AMZ1: variants seen among roughly 807,000 people sequenced by gnomAD.
AMZ1 encodes the protein archaemetzincin-1.
AMZ1 carries 39 observed loss-of-function variants against 29.9 expected under a neutral mutation model. That is an observed-to-expected ratio of 1.30 (90% CI 1.01 to 1.70). The LOEUF is 1.70. Ranked by LOEUF, AMZ1 falls within the 40% of genes most tolerant of loss-of-function variation. The pLI, the probability that AMZ1 is intolerant of heterozygous loss-of-function variation, is 0.00. For synonymous variants in AMZ1, 458 were observed against 304.0 expected (o/e 1.51, Z -5.27); for missense variants, 1,041 against 680.6 (o/e 1.53, Z -5.89).
At position 2,694,924 on chromosome 7, in the gene AMZ1, C is replaced by T. The variant is rs539527839; in HGVS notation, c.-218-5310C>T. On this transcript the variant is annotated intron_variant, in intron 1 of 6. Transcript: ENST00000683327. ...CTGACCTCGAGTGATCCGCCTGCCTCGACCTCCCAAGGTGCTGGGATTCCA... is the reference window on the plus strand; with the variant it reads ...CTGACCTCGAGTGATCCGCCTGCCTTGACCTCCCAAGGTGCTGGGATTCCA... 3.5e-4 allele frequency among the ~76,000 whole-genome samples: 53 copies of T among 152,284 alleles called. 1 individual carries two copies. Among genetic ancestry groups the T allele is most frequent in the South Asian group, 3.1e-3 (15 of 4,828 alleles).
Position 2,731,038 on chromosome 7 carries a change from G to A in AMZ1, n.550+21222G>A, listed in dbSNP as rs1789862099. 1.7e-6 allele frequency: 1 copy of A among 595,216 alleles called. No homozygotes were observed. The highest frequency in any genetic ancestry group is 1.8e-5 in the African/African-American group (1 of 54,196). The allele number at this position is 595,216 out of a possible 1,614,324, so 36.9% of individuals were successfully genotyped here. ...TTGCCTAGAGCTCGCTGGCTGGCTG[G>A]TCTGACAGCATTCCTGAGCCAGGTA... On this transcript the variant is annotated intron_variant and non_coding_transcript_variant, in intron 4 of 4. Coordinates refer to the AMZ1 transcript ENST00000489665. The surrounding 1 kb of genome is among the most constrained non-coding windows in gnomAD (Gnocchi z 6.0).
At chr7:2,702,249 T>G in intron 2 of AMZ1, 2 of 155,958 alleles carry the variant, frequency 1.3e-5, no homozygotes, top group Non-Finnish European at 1.4e-5. Context: ...CAGGCTGGCA[T>G]TTTGCAGCCA....
At chr7:2,725,191 T>C (rs1383216238) in intron 4 of AMZ1, among the ~76,000 whole-genome samples, 1 of 152,212 alleles carries the variant, frequency 6.6e-6, no homozygotes, top group Non-Finnish European at 1.5e-5. Flanking sequence ...GGGATGTGGA[T>C]TAGCTAAGGC....
In AMZ1 at chr7:2,714,037, C is replaced by G. The variant is rs28391556; in HGVS notation, c.*1159C>G. On this transcript the variant is annotated 3_prime_UTR_variant, in exon 7 of 7. Coordinates refer to ENST00000683327, the MANE Select transcript of AMZ1 (RefSeq NM_001384743.1). The stretch of plus-strand genomic sequence containing the variant: ...CTTCCTGCACTTTGAAGCTCCTTTA[C>G]GTCCCTGCACATTTGATTGTTGTGT... 1 of 152,278 alleles carries G rather than the reference C, an allele frequency of 6.6e-6. No individual in the cohort carries two copies. Among genetic ancestry groups the G allele is most frequent in the Admixed American group, 6.5e-5 (1 of 15,290 alleles). The allele number at this position is 152,278 out of a possible 1,614,324, so 9.4% of individuals were successfully genotyped here. A position where few individuals can be genotyped will look rare whatever the true frequency, so the allele number is the denominator to read the frequency against.
intron 4 of AMZ1, among the ~76,000 whole-genome samples, chr7:2,726,936 A>C (rs1031339771): frequency 6.6e-6 from 1 of 152,196 alleles, no homozygotes; most frequent in Non-Finnish European, 1.5e-5. Flanking sequence ...TGGTCTCCAG[A>C]GCACGTCAAG....
At chr7:2,733,266 T>C (rs970746533) in intron 4 of AMZ1, among the ~76,000 whole-genome samples, 2 of 152,158 alleles carry the variant, frequency 1.3e-5, no homozygotes, top group Non-Finnish European at 2.9e-5. Flanking sequence ...TTTCCTCCCC[T>C]CCCCACTGAG....
chr7:2,705,179 T>C lies in AMZ1; in HGVS notation c.472+2290T>C, dbSNP rs572601275. On this transcript the variant is annotated intron_variant, in intron 3 of 6. Coordinates refer to ENST00000683327, the MANE Select transcript of AMZ1 (RefSeq NM_001384743.1). ...TCACCATAGAGGATTTTCTTTTCCTTCTGCCAGGCACCAAAGGGCTGACTG... is the reference window on the plus strand; with the variant it reads ...TCACCATAGAGGATTTTCTTTTCCTCCTGCCAGGCACCAAAGGGCTGACTG... Among the ~76,000 whole-genome samples the C allele has an allele frequency of 2.6e-5, 4 of 152,366 alleles. No homozygotes were observed. The East Asian group carries it at 7.7e-4, about 29-fold the overall frequency.
chr7:2,693,248 C>G (rs530017210), intron 1 of AMZ1, among the ~76,000 whole-genome samples: 2 of 152,082 alleles, frequency 1.3e-5, no homozygotes, highest in Non-Finnish European at 2.9e-5. Context: ...GCCACCACGC[C>G]CAGCTAATAT....
At chr7:2,702,313 G>C (rs1788098175) in intron 2 of AMZ1, 1 of 174,758 alleles carries the variant, frequency 5.7e-6, no homozygotes, top group South Asian at 1.7e-4. Context: ...GCATTTTGCA[G>C]CCATGCAGCC....
intron 4 of AMZ1, among the ~76,000 whole-genome samples, chr7:2,734,877 A>G (rs1258346484): frequency 6.6e-6 from 1 of 152,162 alleles, no homozygotes; most frequent in Non-Finnish European, 1.5e-5. Context: ...CCAGCTCTGC[A>G]GTAGGGAAGG....
intron 1 of AMZ1, among the ~76,000 whole-genome samples, chr7:2,697,521 T>C (rs1195876834): frequency 2.6e-5 from 4 of 151,892 alleles, no homozygotes; most frequent in Admixed American, 1.3e-4. Context: ...CTTTCTGGGC[T>C]CAGGTGATCC....
At chr7:2,739,597 T>C (rs1790396462) in intron 4 of AMZ1, among the ~76,000 whole-genome samples, 1 of 152,212 alleles carries the variant, frequency 6.6e-6, no homozygotes, top group African/African-American at 2.4e-5. Flanking sequence ...TACAAACAGC[T>C]GTGTGGAAGT....
chr7:2,738,729 A>G (rs1790340648), intron 4 of AMZ1, among the ~76,000 whole-genome samples: 1 of 152,166 alleles, frequency 6.6e-6, no homozygotes, highest in Admixed American at 6.5e-5. Context: ...ATTAAATAAA[A>G]AACCAACCCC....
chr7:2,743,693 C>T (rs1046695118), intron 4 of AMZ1, among the ~76,000 whole-genome samples: 3 of 152,132 alleles, frequency 2.0e-5, no homozygotes, highest in African/African-American at 4.8e-5. Flanking sequence ...GTGGGCGCAG[C>T]GCACTGTGCG....
intron 3 of AMZ1, among the ~76,000 whole-genome samples, chr7:2,707,906 C>T (rs925641875): frequency 1.4e-5 from 2 of 146,878 alleles, no homozygotes; most frequent in Non-Finnish European, 3.0e-5. Context: ...TCATTGCCAC[C>T]TCTACCTCCT....
At chr7:2,724,350 ATAGGTGGGGT>A (rs1196980513), downstream of AMZ1, among the ~76,000 whole-genome samples, 3 of 152,272 alleles carry the variant, frequency 2.0e-5, no homozygotes, top group Non-Finnish European at 4.4e-5. Flanking sequence ...TCAACGACAA[ATAGGTGGGGT>A]TACGTTCATT....
At position 2,691,244 on chromosome 7, in the gene AMZ1, G is replaced by C. The variant is rs1470819524; in HGVS notation, c.-219+2948G>C. On this transcript the variant is annotated intron_variant, in intron 1 of 6. Transcript: ENST00000683327. Reference sequence around the variant, plus strand: ...GTTTTCGGGTGGTCAGGTGGGTGTGGGTGCTGGCAGGAAAGCCCCCTCAAG... The same window carrying C: ...GTTTTCGGGTGGTCAGGTGGGTGTGCGTGCTGGCAGGAAAGCCCCCTCAAG... 1.4e-5 allele frequency among the ~76,000 whole-genome samples: 2 copies of C among 148,124 alleles called. 1 individual carries two copies. The highest frequency in any genetic ancestry group is 5.3e-5 in the African/African-American group (2 of 37,908).
At position 2,715,999 on chromosome 7, in the gene AMZ1, T is replaced by G. The variant is rs1789101064; in HGVS notation, c.*3121T>G. On this transcript the variant is annotated 3_prime_UTR_variant, in exon 7 of 7. Coordinates refer to ENST00000683327, the MANE Select transcript of AMZ1 (RefSeq NM_001384743.1). ...AAGCCCCTGCATTCACAAGGATGGG[T>G]CTTCCAGCTTGACGATGACCTCTCT... The G allele has an allele frequency of 6.6e-6, 1 of 152,230 alleles. No individual in the cohort carries two copies. The highest frequency in any genetic ancestry group is 2.4e-5 in the African/African-American group (1 of 41,462). 9.4% of individuals were successfully genotyped at this position (152,230 alleles called of 1,614,324 possible). A position where few individuals can be genotyped will look rare whatever the true frequency, so the allele number is the denominator to read the frequency against.
Position 2,712,705 on chromosome 7 carries a change from A to C in AMZ1, c.1324A>C (p.Met442Leu). The change falls in exon 7 of 7, where the codon ATG (methionine) becomes CTG (leucine). Residue 442 changes from methionine to leucine, a missense_variant. Met to Leu is a conservative substitution (Grantham distance 15). Coordinates refer to ENST00000683327, the MANE Select transcript of AMZ1 (RefSeq NM_001384743.1). Reference protein sequence around the residue: ...RAVDALDRWEMFTGQLPATRQ... With the variant: ...RAVDALDRWELFTGQLPATRQ... ...CGTGGACGCCCTCGACCGCTGGGAGATGTTCACGGGCCAGCTCCCGGCCAC... is the reference window on the plus strand; with the variant it reads ...CGTGGACGCCCTCGACCGCTGGGAGCTGTTCACGGGCCAGCTCCCGGCCAC... The C allele has an allele frequency of 1.2e-6, 2 of 1,611,352 alleles. No homozygotes were observed. Among genetic ancestry groups the C allele is most frequent in the Non-Finnish European group, 8.5e-7 (1 of 1,179,154 alleles).
Sources: gnomAD v4.1 joint callset for allele counts (sites outside exome capture counted in the v4.1 genomes callset) on GRCh38, gnomAD v4.1.1 for gene constraint, Gnocchi (gnomAD v3.1) non-coding constraint, MANE v1.5 for transcripts, NCBI Gene and HGNC (gene_info 2026-07-23, HGNC 2026-07-21) for gene names.